TNNI3K: variants seen among roughly 807,000 people sequenced by gnomAD.
TNNI3K encodes the protein TNNI3 interacting kinase.
Under a neutral mutation model 114.5 loss-of-function variants are expected in TNNI3K, and 140 were observed. That is an observed-to-expected ratio of 1.22 (90% CI 1.07 to 1.41). The LOEUF is 1.41. TNNI3K is among the 40% of genes most tolerant of loss of function. The probability of loss-of-function intolerance (pLI) is 0.00; values close to 1 mark genes in which losing one functional copy is unlikely to be tolerated. For synonymous variants in TNNI3K, 347 were observed against 347.5 expected, an observed-to-expected ratio of 1.00 and a Z score of 0.02; for missense variants, 1,125 against 1,007.6, an observed-to-expected ratio of 1.12 and a Z score of -1.58.
intron 5 of TNNI3K, among the ~76,000 whole-genome samples, chr1:74,308,008 G>T (rs1658756228): frequency 6.6e-6 from 1 of 151,560 alleles, no homozygotes. Flanking sequence ...TCAACATCCA[G>T]CCTGGAGACA....
intron 17 of TNNI3K, among the ~76,000 whole-genome samples, chr1:74,386,507 G>T (rs4650258): frequency 6.6e-6 from 1 of 151,812 alleles, no homozygotes; most frequent in African/African-American, 2.4e-5. Flanking sequence ...CAGTAACTCA[G>T]AAAAAATACA....
chr1:74,395,322 G>A (rs1664020675), intron 17 of TNNI3K, among the ~76,000 whole-genome samples: 3 of 68,798 alleles, frequency 4.4e-5, no homozygotes. Flanking sequence ...CTCAGGACCT[G>A]GTGGCCTATA....
chr1:74,331,359 G>A, intron 5 of TNNI3K, 91 bp from the exon 6 acceptor site: 1 of 1,339,218 alleles, frequency 7.5e-7, no homozygotes, highest in Non-Finnish European at 1.0e-6. Context: ...GGCAACTCCT[G>A]ATGAAGATTT....
At chr1:74,271,767 T>A in intron 5 of TNNI3K, 59 bp downstream of exon 5, 1 of 1,418,884 alleles carries the variant, frequency 7.0e-7, no homozygotes, top group Non-Finnish European at 9.7e-7. Flanking sequence ...CGGTTGTTGT[T>A]CTTAACTGTT....
intron 17 of TNNI3K, among the ~76,000 whole-genome samples, chr1:74,378,218 A>G (rs1194137939): frequency 6.6e-6 from 1 of 152,068 alleles, no homozygotes; most frequent in Non-Finnish European, 1.5e-5. Flanking sequence ...TTTCTTAAAA[A>G]AGCAATCAAC....
chr1:74,506,623 T>A (rs1669915795), intron 23 of TNNI3K, among the ~76,000 whole-genome samples: 1 of 152,208 alleles, frequency 6.6e-6, no homozygotes, highest in Admixed American at 6.5e-5. Flanking sequence ...TGGCATCACC[T>A]AGGAGCTTGT....
intron 6 of TNNI3K, among the ~76,000 whole-genome samples, chr1:74,333,275 G>C (rs1172398090): frequency 6.6e-6 from 1 of 152,192 alleles, no homozygotes; most frequent in Non-Finnish European, 1.5e-5. Flanking sequence ...TAGGAAGATT[G>C]CTTATTTCAT....
chr1:74,477,358 T>C (rs758191991), intron 21 of TNNI3K, among the ~76,000 whole-genome samples: 10 of 152,150 alleles, frequency 6.6e-5, no homozygotes, highest in East Asian at 1.9e-4. Context: ...ACATGTTTAA[T>C]ACAGTGCTTT....
At chr1:74,513,644 G>A (rs184481713) in intron 23 of TNNI3K, among the ~76,000 whole-genome samples, 20 of 152,286 alleles carry the variant, frequency 1.3e-4, no homozygotes, top group East Asian at 7.7e-4. Context: ...TGTCACTTGC[G>A]TAACTGATGG....
chr1:74,467,759 A>G (rs762114907), intron 21 of TNNI3K, among the ~76,000 whole-genome samples: 2 of 152,132 alleles, frequency 1.3e-5, no homozygotes, highest in Admixed American at 6.6e-5. Context: ...GCTGCAAACT[A>G]TGTATTCCAG....
At chr1:74,532,300 TTTTG>T (rs1482393752) in intron 23 of TNNI3K, among the ~76,000 whole-genome samples, 4 of 152,138 alleles carry the variant, frequency 2.6e-5, no homozygotes, top group Non-Finnish European at 5.9e-5. Flanking sequence ...CTGATTCTGA[TTTTG>T]CTCTGATTAT....
chr1:74,265,009 A>G (rs1570392231), intron 4 of TNNI3K, among the ~76,000 whole-genome samples: 2 of 152,042 alleles, frequency 1.3e-5, no homozygotes, highest in African/African-American at 4.8e-5. Flanking sequence ...ATGAAAGACA[A>G]ATTATTAGCA....
In TNNI3K at chr1:74,420,652, C is replaced by CA. The variant is rs1665351054; in HGVS notation, c.1773-15426dup. ...TCATTAAGCAGCTGCATTCAAACTG[C>CA]AATGCTTCCACTCAAGCCATAACAA... On this transcript the variant is annotated intron_variant, in intron 17 of 24. Coordinates refer to ENST00000326637, the MANE Select transcript of TNNI3K (RefSeq NM_015978.3). Among the ~76,000 whole-genome samples the CA allele has an allele frequency of 3.3e-5, 5 of 152,230 alleles. No individual in the cohort carries two copies. The South Asian group carries it at 1.0e-3, about 32-fold the overall frequency.
intron 5 of TNNI3K, among the ~76,000 whole-genome samples, chr1:74,311,045 A>G (rs935027651): frequency 2.6e-4 from 40 of 152,314 alleles, no homozygotes; most frequent in African/African-American, 9.6e-4. Flanking sequence ...TCTCTTAAAG[A>G]TATATGTTTC....
intron 21 of TNNI3K, chr1:74,471,815 GCT>G (rs1399910815): frequency 2.3e-6 from 1 of 431,262 alleles, no homozygotes; most frequent in Non-Finnish European, 4.1e-6. Context: ...ATTTGGATTT[GCT>G]CTTTCTCAGG....
Position 74,370,378 on chromosome 1 carries a change from TCG to T in TNNI3K, c.1759_1760del (p.Arg587Ter). On this transcript the variant is annotated frameshift_variant, in exon 17 of 25. Transcript: ENST00000326637. LOFTEE classifies it high-confidence loss of function. The stretch of plus-strand genomic sequence containing the variant: ...ACAACCTGACACAGCCAATTATACA[TCG>T]TGACTTGAACAGGTATTTTTTTCCT... ...LHNLTQPIIH[R>X]DLNSHNILLY... 1.2e-6 allele frequency: 2 copies of T among 1,606,398 alleles called. No individual in the cohort carries two copies. The highest frequency in any genetic ancestry group is 2.2e-5 in the South Asian group (2 of 90,210).
chr1:74,463,451 A>G lies in TNNI3K; in HGVS notation c.2022A>G (p.Ala674=). The G allele has an allele frequency of 1.9e-6, 3 of 1,614,230 alleles. No homozygotes were observed. Among genetic ancestry groups the G allele is most frequent in the Non-Finnish European group, 2.5e-6 (3 of 1,180,038 alleles). The change falls in exon 21 of 25, where the codon GCA becomes GCG. Residue 674 remains alanine (A), a synonymous_variant. Transcript: ENST00000326637. Reference sequence around the variant, plus strand: ...CCATTTGGTTTGCAGCGGCTGCGGCAGCAGACATGGCTTACCACCACATCA... The same window carrying G: ...CCATTTGGTTTGCAGCGGCTGCGGCGGCAGACATGGCTTACCACCACATCA... ...PFAHLKPAAA[A]ADMAYHHIRP...
chr1:74,265,757 A>G (rs1281186346), intron 4 of TNNI3K, among the ~76,000 whole-genome samples: 1 of 151,970 alleles, frequency 6.6e-6, no homozygotes, highest in Non-Finnish European at 1.5e-5. Context: ...TTCATTTTAC[A>G]GACAAAAACT....
intron 17 of TNNI3K, among the ~76,000 whole-genome samples, chr1:74,434,603 T>A (rs1666041387): frequency 6.6e-6 from 1 of 151,602 alleles, no homozygotes; most frequent in Admixed American, 6.6e-5. Context: ...ATTTTCTTAT[T>A]GCATTTGAAC....
Sources: gnomAD v4.1 joint callset for allele counts (sites outside exome capture counted in the v4.1 genomes callset) on GRCh38, gnomAD v4.1.1 for gene constraint, MANE v1.5 for transcripts, NCBI Gene and HGNC (gene_info 2026-07-23, HGNC 2026-07-21) for gene names.